The following ZNF708 variants were observed in gnomAD, a reference collection of about 807,000 sequenced individuals.
The protein encoded by ZNF708 is zinc finger protein 708.
In ZNF708, 44 loss-of-function variants were observed where a neutral mutation model predicts 47.0. The observed-to-expected ratio is 0.94, with a 90% confidence interval of 0.74 to 1.20. The LOEUF (loss-of-function observed/expected upper bound fraction) is 1.20, where lower values mean the gene tolerates loss of function less well. Ranked by LOEUF, ZNF708 falls within the 50% of genes most tolerant of loss-of-function variation. ZNF708 has a pLI of 0.00. For missense variants in ZNF708, 557 were observed against 656.0 expected (o/e 0.85, Z 1.65); for synonymous variants, 184 against 218.5 (o/e 0.84, Z 1.39).
chr19:21,296,414 A>G (rs1431208571), intron 3 of ZNF708, among the ~76,000 whole-genome samples: 1 of 152,142 alleles, frequency 6.6e-6, no homozygotes, highest in East Asian at 1.9e-4. Context: ...AGGCAGGAGA[A>G]TCGGTTGGAC....
At chr19:21,315,666 T>C (rs989009491) in intron 1 of ZNF708, among the ~76,000 whole-genome samples, 2 of 152,062 alleles carry the variant, frequency 1.3e-5, no homozygotes, top group African/African-American at 4.8e-5. Flanking sequence ...GAGAGGCGCA[T>C]AGAGTGGGTT....
intron 1 of ZNF708, among the ~76,000 whole-genome samples, chr19:21,315,242 C>G (rs1053194082): frequency 1.3e-5 from 2 of 152,154 alleles, no homozygotes; most frequent in Admixed American, 1.3e-4. Context: ...ATCTGAAAAG[C>G]TCAAAGAGCC....
In ZNF708 at chr19:21,293,152, T is replaced by G; in HGVS notation, c.*122A>C. Reference sequence around the variant, plus strand: ...TCTCTAGTATGAATTATCTTTTGTTTCATAAGGATTAAGAGCCAGTTAAAG... The same window carrying G: ...TCTCTAGTATGAATTATCTTTTGTTGCATAAGGATTAAGAGCCAGTTAAAG... On this transcript the variant is annotated 3_prime_UTR_variant, in exon 4 of 4. Coordinates refer to ENST00000356929, the MANE Select transcript of ZNF708 (RefSeq NM_021269.3). The G allele has an allele frequency of 3.3e-6, 4 of 1,199,028 alleles. No individual in the cohort carries two copies. Among genetic ancestry groups the G allele is most frequent in the Non-Finnish European group, 4.8e-6 (4 of 838,530 alleles). The allele number at this position is 1,199,028 out of a possible 1,614,324, so 74.3% of individuals were successfully genotyped here. A position where few individuals can be genotyped will look rare whatever the true frequency, so the allele number is the denominator to read the frequency against.
chr19:21,317,117 C>CA (rs34652323), intron 1 of ZNF708, among the ~76,000 whole-genome samples: 82,318 of 144,022 alleles, frequency 0.57, 23,109 homozygotes, highest in Middle Eastern at 0.69. Flanking sequence ...ACTACAAATA[C>CA]AAAAAAAAAA....
chr19:21,302,807 T>C (rs774313801), intron 3 of ZNF708, among the ~76,000 whole-genome samples: 3 of 151,198 alleles, frequency 2.0e-5, no homozygotes, highest in Non-Finnish European at 2.9e-5. Context: ...AATAAGGAAA[T>C]GGAAAAATAA....
Position 21,293,618 on chromosome 19 carries a change from A to G in ZNF708, c.1348T>C (p.Cys450Arg). The change falls in exon 4 of 4, where the codon TGT becomes CGT. Residue 450 changes from cysteine (C) to arginine (R), a missense_variant. By Grantham distance (180) the Cys-to-Arg change is radical. Coordinates refer to ENST00000356929, the MANE Select transcript of ZNF708 (RefSeq NM_021269.3). ...TTAAAAGTTTTGCCACATTCTTCACATTTGTAGGGTTTGTCTTCAGTATGA... is the reference window on the plus strand; with the variant it reads ...TTAAAAGTTTTGCCACATTCTTCACGTTTGTAGGGTTTGTCTTCAGTATGA... ...VIHTEDKPYK[C>R]EECGKTFNYS... is the part of the protein sequence containing the mutation. The G allele has an allele frequency of 6.2e-7, 1 of 1,612,514 alleles. No individual in the cohort carries two copies. The highest frequency in any genetic ancestry group is 8.5e-7 in the Non-Finnish European group (1 of 1,179,708).
chr19:21,295,161 C>T (rs1972504630), intron 3 of ZNF708, among the ~76,000 whole-genome samples: 1 of 152,056 alleles, frequency 6.6e-6, no homozygotes, highest in South Asian at 2.1e-4. Flanking sequence ...GTTTCTGTCT[C>T]CCATGACATA....
intron 1 of ZNF708, chr19:21,327,973 C>G: frequency 2.0e-6 from 2 of 1,022,680 alleles, no homozygotes; most frequent in Non-Finnish European, 2.4e-6. Context: ...AGGTTGTCCT[C>G]AGGGAGAAAA....
Position 21,293,571 on chromosome 19 carries a change from A to G in ZNF708, c.1395T>C (p.Asn465=). 2 of 1,609,926 alleles carry G rather than the reference A, an allele frequency of 1.2e-6. No individual in the cohort carries two copies. The highest frequency in any genetic ancestry group is 1.7e-6 in the Non-Finnish European group (2 of 1,178,738). The part of the protein sequence containing the change: ...KTFNYSSNFT[N]HKKIHTGEKP... ...TCTCTCCAGTATGAATTTTTTTATGATTAGTAAAATTTGAGGAGTAGTTAA... is the reference window on the plus strand; with the variant it reads ...TCTCTCCAGTATGAATTTTTTTATGGTTAGTAAAATTTGAGGAGTAGTTAA... The change falls in exon 4 of 4, where the codon AAT becomes AAC. Residue 465 remains asparagine, a synonymous_variant. Coordinates refer to ENST00000356929, the MANE Select transcript of ZNF708 (RefSeq NM_021269.3).
At chr19:21,318,844 A>C (rs1010285432) in intron 1 of ZNF708, 2 of 152,210 alleles carry the variant, frequency 1.3e-5, no homozygotes, top group African/African-American at 4.8e-5. Flanking sequence ...CTGGAATGGC[A>C]GCATTCCAAT....
Position 21,309,240 on chromosome 19 carries a change from A to G in ZNF708, c.226+6T>C, listed in dbSNP as rs1482156105. 6.3e-7 allele frequency: 1 copy of G among 1,595,126 alleles called. No homozygotes were observed. On this transcript the variant is annotated splice_donor_region_variant and intron_variant, in intron 3 of 3. Transcript: ENST00000356929. ...TGTGTCATCTGTTGTGTTCACTCTC[A>G]CCTACCTGGGGGTTTGGCTGCCATC... is the stretch of plus-strand genomic sequence containing the variant.
At chr19:21,307,648 T>C (rs146111041) in intron 3 of ZNF708, among the ~76,000 whole-genome samples, 1 of 152,126 alleles carries the variant, frequency 6.6e-6, no homozygotes, top group East Asian at 1.9e-4. Flanking sequence ...CTTTACCTTC[T>C]GAAATCAGTT....
At position 21,293,739 on chromosome 19, in the gene ZNF708, ATAAG is replaced by A. The variant is rs1972452551; in HGVS notation, c.1223_1226del (p.Thr408IlefsTer4). On this transcript the variant is annotated frameshift_variant, in exon 4 of 4. Coordinates refer to ENST00000356929, the MANE Select transcript of ZNF708 (RefSeq NM_021269.3). LOFTEE classifies it high-confidence loss of function. ...TCTTTCCAGTATGAATTACCTTATG[ATAAG>A]TAAGAGTTGAGGACTTGGTAAAGGC... 6.2e-7 allele frequency: 1 copy of A among 1,607,872 alleles called. No individual in the cohort carries two copies. Among genetic ancestry groups the A allele is most frequent in the Admixed American group, 1.7e-5 (1 of 59,524 alleles).
Position 21,294,468 on chromosome 19 carries a change from A to AT in ZNF708, c.497dup (p.Asn166LysfsTer6). On this transcript the variant is annotated frameshift_variant, in exon 4 of 4. Coordinates refer to ENST00000356929, the MANE Select transcript of ZNF708 (RefSeq NM_021269.3). LOFTEE classifies it high-confidence loss of function. ...TGCCACATTCTTTACATTTGAAAGG[A>AT]TTTTTTCCAGTATGTCTTATCTTAT... 2 of 1,613,722 alleles carry AT rather than the reference A, an allele frequency of 1.2e-6. No individual in the cohort carries two copies. The highest frequency in any genetic ancestry group is 2.2e-5 in the South Asian group (2 of 91,068).
At chr19:21,317,538 G>A (rs1204061612) in intron 1 of ZNF708, among the ~76,000 whole-genome samples, 1 of 152,092 alleles carries the variant, frequency 6.6e-6, no homozygotes. Flanking sequence ...TATCACGTCT[G>A]GTAATTCTAG....
At chr19:21,323,153 C>A (rs1486992915) in intron 1 of ZNF708, among the ~76,000 whole-genome samples, 1 of 152,126 alleles carries the variant, frequency 6.6e-6, no homozygotes, top group Admixed American at 6.6e-5. Flanking sequence ...TAATAAAATT[C>A]TTCATTGTTT....
chr19:21,315,106 T>TG (rs1972976237), intron 1 of ZNF708, among the ~76,000 whole-genome samples: 1 of 152,222 alleles, frequency 6.6e-6, no homozygotes, highest in Admixed American at 6.5e-5. Context: ...CCGGATACTT[T>TG]GTGGTCTTGA....
At chr19:21,309,474 G>A (rs1435688991) in intron 2 of ZNF708, 133 bp from the exon 3 acceptor site, 18 of 757,252 alleles carry the variant, frequency 2.4e-5, no homozygotes, top group East Asian at 4.8e-5. Flanking sequence ...CTGAGAGGCC[G>A]AGGTGGGTAG....
At chr19:21,294,805 C>T (rs952653275) in intron 3 of ZNF708, 66 bp from the exon 4 acceptor site, 1 of 1,405,766 alleles carries the variant, frequency 7.1e-7, no homozygotes, top group African/African-American at 1.5e-5. Context: ...ACAAATCTAA[C>T]TTATACCAAC....
Sources: allele counts gnomAD v4.1 joint callset (sites outside exome capture counted in the v4.1 genomes callset), GRCh38; gene constraint gnomAD v4.1.1; transcripts MANE v1.5; gene names NCBI Gene and HGNC (gene_info 2026-07-23, HGNC 2026-07-21).